VTCN1: variants seen among roughly 807,000 people sequenced by gnomAD.
The protein encoded by VTCN1 is V-set domain containing T cell activation inhibitor 1, also known as V-set domain-containing T-cell activation inhibitor 1.
A neutral mutation model predicts 26.5 loss-of-function variants in VTCN1; 26 were observed. The observed-to-expected ratio is 0.98, with a 90% CI of 0.72 to 1.36. The LOEUF (loss-of-function observed/expected upper bound fraction) is 1.36, where lower values mean the gene tolerates loss of function less well. Ranked by LOEUF, VTCN1 falls within the 40% of genes most tolerant of loss-of-function variation. VTCN1 has a pLI of 0.00. For synonymous variants in VTCN1, 116 were observed against 130.7 expected, an observed-to-expected ratio of 0.89 and a Z score of 0.77; for missense variants, 298 against 337.7, an observed-to-expected ratio of 0.88 and a Z score of 0.92.
At chr1:117,153,502 T>G in intron 3 of VTCN1, 133 bp from the exon 4 acceptor site, 3 of 999,908 alleles carry the variant, frequency 3.0e-6, no homozygotes, top group African/African-American at 1.6e-5. Context: ...CACTCAGTAC[T>G]TCCTCAGAGG....
At chr1:117,190,301 C>T (rs1213331021) in intron 1 of VTCN1, among the ~76,000 whole-genome samples, 2 of 152,220 alleles carry the variant, frequency 1.3e-5, no homozygotes, top group African/African-American at 4.8e-5. Flanking sequence ...AGGCTGTGGC[C>T]TCAGCAGTCC....
chr1:117,152,935 T>C (rs1305892349), intron 4 of VTCN1, among the ~76,000 whole-genome samples, 156 bp downstream of exon 4: 2 of 152,222 alleles, frequency 1.3e-5, no homozygotes, highest in Admixed American at 6.5e-5. Flanking sequence ...TTCTCTTATG[T>C]AATACAATCT....
At chr1:117,149,760 A>C (rs1410398261) in intron 4 of VTCN1, among the ~76,000 whole-genome samples, 1 of 152,228 alleles carries the variant, frequency 6.6e-6, no homozygotes, top group African/African-American at 2.4e-5. Flanking sequence ...TAAATGAATG[A>C]CCTAAATTAG....
intron 1 of VTCN1, chr1:117,172,490 T>C (rs1163927937): frequency 1.9e-6 from 1 of 518,592 alleles, no homozygotes; most frequent in Non-Finnish European, 3.9e-6. Flanking sequence ...CCATCTGCTG[T>C]CTTTGACTAC....
At chr1:117,158,937 A>T (rs967345409) in intron 2 of VTCN1, among the ~76,000 whole-genome samples, 8 of 152,238 alleles carry the variant, frequency 5.3e-5, no homozygotes, top group Admixed American at 2.6e-4. Context: ...AAACATAACA[A>T]GAGTCACCTT....
rs201137610 is a variant in VTCN1, at chr1:117,175,755, ATCTC to A, written c.33-5588_33-5585del. Among the ~76,000 whole-genome samples the A allele has an allele frequency of 2.1e-4, 30 of 140,212 alleles. No individual in the cohort carries two copies. The highest frequency in any genetic ancestry group is 2.9e-4 in the Admixed American group (4 of 13,906). 92.0% of individuals were successfully genotyped at this position (140,212 alleles called of 152,430 possible). On this transcript the variant is annotated intron_variant, in intron 1 of 5. Transcript: ENST00000369458. This position sits in a 1 kb window ranked among gnomAD's most constrained non-coding sequence, Gnocchi z 4.2. The stretch of plus-strand genomic sequence containing the variant: ...AAAATAAACCAGAAGAGAGATACCT[ATCTC>A]TCTCTCTCTCTCTCTTTTTTTTTTT...
At chr1:117,200,766 G>A (rs1297079207) in intron 1 of VTCN1, among the ~76,000 whole-genome samples, 1 of 152,156 alleles carries the variant, frequency 6.6e-6, no homozygotes, top group Non-Finnish European at 1.5e-5. Context: ...TGTTTTAGAT[G>A]TTCTGCACAT....
At position 117,144,065 on chromosome 1, in the gene VTCN1, T is replaced by A. The variant is rs1013875641; in HGVS notation, c.*1206A>T. ...TGAGAGATGTTATCCTGGTGCCCGATAGAGTTCTGGCTCTCTGTGCTGAGG... is the reference window on the plus strand; with the variant it reads ...TGAGAGATGTTATCCTGGTGCCCGAAAGAGTTCTGGCTCTCTGTGCTGAGG... On this transcript the variant is annotated 3_prime_UTR_variant, in exon 6 of 6. Coordinates refer to ENST00000369458, the MANE Select transcript of VTCN1 (RefSeq NM_024626.4). 2 of 152,242 alleles carry A rather than the reference T, an allele frequency of 1.3e-5. No individual in the cohort carries two copies. The highest frequency in any genetic ancestry group is 2.9e-5 in the Non-Finnish European group (2 of 68,058). 9.4% of individuals were successfully genotyped at this position (152,242 alleles called of 1,614,324 possible).
chr1:117,166,341 G>T (rs1340664599), intron 2 of VTCN1, among the ~76,000 whole-genome samples: 3 of 152,160 alleles, frequency 2.0e-5, no homozygotes, highest in Non-Finnish European at 4.4e-5. Context: ...CTGATGCAAA[G>T]CCAGTGAGCC....
chr1:117,166,621 T>C (rs2101504617), intron 2 of VTCN1, among the ~76,000 whole-genome samples: 1 of 141,400 alleles, frequency 7.1e-6, no homozygotes, highest in Admixed American at 7.4e-5. Flanking sequence ...CCAGGTGTGG[T>C]GGTGCGCGCC....
At chr1:117,157,135 T>G in intron 2 of VTCN1, 1 of 495,498 alleles carries the variant, frequency 2.0e-6, no homozygotes, top group Non-Finnish European at 3.0e-6. Flanking sequence ...TCATATATAA[T>G]GGCTTATGTA....
chr1:117,189,243 C>T (rs1016258086), intron 1 of VTCN1, among the ~76,000 whole-genome samples: 1 of 152,166 alleles, frequency 6.6e-6, no homozygotes, highest in East Asian at 1.9e-4. Context: ...CCCTCTGTGC[C>T]TACCCTGCTG....
At chr1:117,191,745 C>A (rs1055960587) in intron 1 of VTCN1, among the ~76,000 whole-genome samples, 7 of 152,142 alleles carry the variant, frequency 4.6e-5, no homozygotes, top group African/African-American at 1.7e-4. Context: ...CACGCCATTG[C>A]ACTTTAGCTT....
rs1325105877 is a variant in VTCN1 at position 117,189,909 on chromosome 1, C to CAAA, written c.33-19739_33-19738insTTT. ...TGCAAAACCCCAGTGAAGCCCAAGA[C>CAAA]CAAGGTAGGCTCATGCCTTGGTGGC... On this transcript the variant is annotated intron_variant, in intron 1 of 5. Transcript: ENST00000369458. 8.0e-5 allele frequency among the ~76,000 whole-genome samples: 4 copies of CAAA among 49,750 alleles called. No homozygotes were observed. In the East Asian group the frequency reaches 0.045, roughly 565 times the overall value. 32.6% of individuals were successfully genotyped at this position (49,750 alleles called of 152,430 possible).
At position 117,155,919 on chromosome 1, in the gene VTCN1, T is replaced by A. The variant is rs1652046129; in HGVS notation, c.445+655A>T. ...GCATTTGATACACTTTACTAATTAT[T>A]ATCATTTACAGACTTTTATTATCTC... On this transcript the variant is annotated intron_variant, in intron 3 of 5. Transcript: ENST00000369458. The surrounding 1 kb of genome is among the most constrained non-coding windows in gnomAD (Gnocchi z 4.8). 1.3e-5 allele frequency among the ~76,000 whole-genome samples: 2 copies of A among 152,292 alleles called. No homozygotes were observed. Among genetic ancestry groups the A allele is most frequent in the South Asian group, 4.1e-4 (2 of 4,826 alleles).
chr1:117,200,814 G>A (rs1648748412), intron 1 of VTCN1, among the ~76,000 whole-genome samples: 1 of 152,182 alleles, frequency 6.6e-6, no homozygotes, highest in Non-Finnish European at 1.5e-5. Context: ...TTGTCACCCA[G>A]GCTGGAGTGC....
intron 1 of VTCN1, chr1:117,173,100 C>T (rs1653010628): frequency 5.6e-6 from 4 of 708,806 alleles, no homozygotes; most frequent in Non-Finnish European, 1.0e-5. Context: ...TTCCTGAAGT[C>T]AGAGAGACCA....
Position 117,201,213 on chromosome 1 carries a change from C to T in VTCN1, c.32+9611G>A, listed in dbSNP as rs573803606. 7.2e-5 allele frequency among the ~76,000 whole-genome samples: 11 copies of T among 152,288 alleles called. No individual in the cohort carries two copies. The South Asian group carries it at 2.1e-3, about 29-fold the overall frequency. ...GGTCCAACTTATAAAGCTGTGTCCA[C>T]GGGAAAATGTCTTCCTGGGCTTGCT... On this transcript the variant is annotated intron_variant, in intron 1 of 5. Coordinates refer to ENST00000369458, the MANE Select transcript of VTCN1 (RefSeq NM_024626.4).
Position 117,163,826 on chromosome 1 carries a change from A to C in VTCN1, c.97+6281T>G, listed in dbSNP as rs1024903149. On this transcript the variant is annotated intron_variant, in intron 2 of 5. Coordinates refer to ENST00000369458, the MANE Select transcript of VTCN1 (RefSeq NM_024626.4). ...AATCAAAACAACTAAAAACCACAAA[A>C]TAAGTGTAAGAAAGGCCCACAGCTG... is the stretch of plus-strand genomic sequence containing the variant. Among the ~76,000 whole-genome samples the C allele has an allele frequency of 2.0e-5, 3 of 152,312 alleles. No individual in the cohort carries two copies. The Middle Eastern group carries it at 0.01, about 518-fold the overall frequency.
Sources: gnomAD v4.1 joint callset for allele counts (sites outside exome capture counted in the v4.1 genomes callset) on GRCh38, gnomAD v4.1.1 for gene constraint, Gnocchi (gnomAD v3.1) non-coding constraint, MANE v1.5 for transcripts, NCBI Gene and HGNC (gene_info 2026-07-23, HGNC 2026-07-21) for gene names.